Variants in ARHGAP26 observed in about 807,000 individuals in gnomAD.
The protein encoded by ARHGAP26 is rho GTPase-activating protein 26.
A neutral mutation model predicts 104.8 loss-of-function variants in ARHGAP26; 38 were observed. The ratio of observed to expected loss-of-function variants is 0.36; its 90% CI spans 0.28 to 0.48. ARHGAP26 has a LOEUF of 0.48. ARHGAP26 is among the 20% of genes least tolerant of loss of function. The pLI is 0.99. For synonymous variants in ARHGAP26, 341 were observed against 340.0 expected (o/e 1.00, Z -0.03); for missense variants, 704 against 947.9 (o/e 0.74, Z 3.38).
intron 1 of ARHGAP26, among the ~76,000 whole-genome samples, chr5:142,847,519 G>A (rs1001031199): frequency 1.3e-5 from 2 of 152,086 alleles, no homozygotes; most frequent in African/African-American, 4.8e-5. Context: ...CACCATGCCT[G>A]GCTAATTTTG....
At chr5:143,142,853 C>T (rs946384506) in intron 19 of ARHGAP26, among the ~76,000 whole-genome samples, 1 of 152,178 alleles carries the variant, frequency 6.6e-6, no homozygotes, top group Non-Finnish European at 1.5e-5. Flanking sequence ...CATTGCAAAA[C>T]TTTAACAAGT....
At chr5:142,800,439 G>A (rs891718109) in intron 1 of ARHGAP26, among the ~76,000 whole-genome samples, 3 of 150,678 alleles carry the variant, frequency 2.0e-5, no homozygotes, top group Admixed American at 2.0e-4. Flanking sequence ...GCGTGATCTC[G>A]GCTTACTGCA....
chr5:142,857,731 A>T (rs1203864393), intron 1 of ARHGAP26, among the ~76,000 whole-genome samples: 1 of 152,044 alleles, frequency 6.6e-6, no homozygotes, highest in African/African-American at 2.4e-5. Context: ...GTTGCCAGGG[A>T]CTTTCCGGGT....
Position 142,980,962 on chromosome 5 carries a change from T to C in ARHGAP26, c.1108-33118T>C, listed in dbSNP as rs550511857. Among the ~76,000 whole-genome samples, 4 of 152,358 alleles carry C rather than the reference T, an allele frequency of 2.6e-5. No homozygotes were observed. In the East Asian group the frequency reaches 7.7e-4, roughly 29 times the overall value. The stretch of plus-strand genomic sequence containing the variant: ...TGTATCGTAGTAGTAGTTGTCATTG[T>C]CGTTGTAGTGTCACACTTGGTGTTT... On this transcript the variant is annotated intron_variant, in intron 11 of 22. Transcript: ENST00000645722.
In ARHGAP26 at chr5:142,907,776, C is replaced by T. The variant is rs1761304769; in HGVS notation, c.905C>T (p.Pro302Leu). 1 of 1,610,722 alleles carries T rather than the reference C, an allele frequency of 6.2e-7. No individual in the cohort carries two copies. The highest frequency in any genetic ancestry group is 1.3e-5 in the African/African-American group (1 of 74,818). Residue 302 changes from proline (P) to leucine (L), a missense_variant, in exon 9 of 23, where the codon CCA (proline) becomes CTA (leucine). Coordinates refer to ENST00000645722, the MANE Select transcript of ARHGAP26 (RefSeq NM_001135608.3). ...QRDSKQITMV[P>L]FDQKSGGKGG... ...GATTCCAAACAAATCACCATGGTAC[C>T]ATTTGACCAAAAGTCAGGAGGAAAA...
intron 20 of ARHGAP26, chr5:143,194,145 A>C (rs1483688889): frequency 6.6e-6 from 1 of 152,226 alleles, no homozygotes; most frequent in African/African-American, 2.4e-5. Context: ...TCTAGAATAA[A>C]CTGTAACTAC....
chr5:142,803,022 C>A (rs1366695303), intron 1 of ARHGAP26, among the ~76,000 whole-genome samples: 2 of 151,794 alleles, frequency 1.3e-5, no homozygotes, highest in Non-Finnish European at 2.9e-5. Context: ...CGGGGAGATA[C>A]CCCTTAATCC....
intron 10 of ARHGAP26, among the ~76,000 whole-genome samples, chr5:142,922,603 G>A (rs955218732): frequency 7.2e-5 from 11 of 152,024 alleles, no homozygotes; most frequent in Admixed American, 3.9e-4. Flanking sequence ...AGTTAGTTGG[G>A]CCTCTGTTTA....
At position 143,224,445 on chromosome 5, in the gene ARHGAP26, G is replaced by A. The variant is rs912211973; in HGVS notation, c.*1999G>A. 4.4e-6 allele frequency: 1 copy of A among 228,964 alleles called. No homozygotes were observed. The highest frequency in any genetic ancestry group is 8.7e-6 in the Non-Finnish European group (1 of 115,380). 14.2% of individuals were successfully genotyped at this position (228,964 alleles called of 1,614,324 possible). A position where few individuals can be genotyped will look rare whatever the true frequency, so the allele number is the denominator to read the frequency against. ...TGGGAAGAGCATCTCCAGGCAATGA[G>A]TTTTTCAAAGAATGCCTACTTAGTA... is the stretch of plus-strand genomic sequence containing the variant. On this transcript the variant is annotated 3_prime_UTR_variant, in exon 23 of 23. Transcript: ENST00000645722.
At chr5:143,176,144 A>C (rs1375100892) in intron 20 of ARHGAP26, among the ~76,000 whole-genome samples, 3 of 152,146 alleles carry the variant, frequency 2.0e-5, no homozygotes, top group Non-Finnish European at 4.4e-5. Flanking sequence ...AAATAAATGA[A>C]ATATGACACG....
chr5:143,209,121 G>A (rs969654061), intron 21 of ARHGAP26, among the ~76,000 whole-genome samples: 2 of 151,998 alleles, frequency 1.3e-5, no homozygotes, highest in Admixed American at 1.3e-4. Context: ...CAAAATATTG[G>A]CCCTTTGGAC....
At chr5:142,813,867 G>C (rs1423405990) in intron 1 of ARHGAP26, among the ~76,000 whole-genome samples, 1 of 152,228 alleles carries the variant, frequency 6.6e-6, no homozygotes, top group Non-Finnish European at 1.5e-5. Context: ...TGTGGTTCAG[G>C]AATGCAGTTC....
At chr5:142,902,136 A>C in intron 7 of ARHGAP26, 97 bp downstream of exon 7, 1 of 1,045,180 alleles carries the variant, frequency 9.6e-7, no homozygotes, top group Non-Finnish European at 1.4e-6. Context: ...CTTGGAATGT[A>C]GGTGAGGAGG....
intron 11 of ARHGAP26, among the ~76,000 whole-genome samples, chr5:143,006,326 T>TG (rs1777961652): frequency 6.6e-6 from 1 of 151,342 alleles, no homozygotes; most frequent in Admixed American, 6.6e-5. Context: ...CTTTTTTTTT[T>TG]TTTTTTTTTT....
intron 20 of ARHGAP26, among the ~76,000 whole-genome samples, chr5:143,205,538 C>T (rs1485002478): frequency 1.3e-5 from 2 of 152,172 alleles, no homozygotes; most frequent in Non-Finnish European, 2.9e-5. Flanking sequence ...ACACATGAAT[C>T]AGTGGTTAAG....
chr5:142,882,409 T>G (rs978591380), intron 4 of ARHGAP26, among the ~76,000 whole-genome samples: 1 of 152,244 alleles, frequency 6.6e-6, no homozygotes, highest in South Asian at 2.1e-4. Context: ...ACAGTTCATT[T>G]GTTTAAAAAA....
At chr5:142,776,977 A>G (rs1389494703) in intron 1 of ARHGAP26, among the ~76,000 whole-genome samples, 2 of 152,178 alleles carry the variant, frequency 1.3e-5, no homozygotes, top group Non-Finnish European at 2.9e-5. Flanking sequence ...GTGAAGTGGT[A>G]TCTCGTTGTG....
At chr5:143,033,477 A>C (rs1782177255) in intron 12 of ARHGAP26, among the ~76,000 whole-genome samples, 1 of 152,216 alleles carries the variant, frequency 6.6e-6, no homozygotes. Flanking sequence ...ACAGTGCCAC[A>C]CACACAAAAA....
At chr5:142,859,351 T>TG (rs1006922596) in intron 1 of ARHGAP26, among the ~76,000 whole-genome samples, 1 of 152,144 alleles carries the variant, frequency 6.6e-6, no homozygotes, top group African/African-American at 2.4e-5. Context: ...ACTTAATCTG[T>TG]GGGGCTCCTT....
Sources: allele counts gnomAD v4.1 joint callset (sites outside exome capture counted in the v4.1 genomes callset), GRCh38; gene constraint gnomAD v4.1.1; transcripts MANE v1.5; gene names NCBI Gene and HGNC (gene_info 2026-07-23, HGNC 2026-07-21).